PDE8B: variants seen among roughly 807,000 people sequenced by gnomAD.
The protein encoded by PDE8B is phosphodiesterase 8B, also known as high affinity cAMP-specific and IBMX-insensitive 3',5'-cyclic phosphodiesterase 8B.
Under a neutral mutation model 101.3 loss-of-function variants are expected in PDE8B, and 26 were observed. The observed-to-expected ratio is 0.26, with a 90% CI of 0.19 to 0.36. The LOEUF is 0.36. Among genes scored for constraint, PDE8B ranks in the 10% least tolerant of loss-of-function variants. The pLI is 1.00. For missense variants in PDE8B, 810 were observed against 1,163.1 expected (o/e 0.70, Z 4.42); for synonymous variants, 424 against 429.3 (o/e 0.99, Z 0.15).
chr5:77,225,486 T>C (rs1228731648), intron 1 of PDE8B, among the ~76,000 whole-genome samples: 1 of 152,204 alleles, frequency 6.6e-6, no homozygotes, highest in Admixed American at 6.5e-5. Flanking sequence ...TTGGACTGAC[T>C]AGATGTTCCA....
At chr5:77,120,199 A>C in the PDE8B span, among the ~76,000 whole-genome samples, 16 of 152,222 alleles carry the variant, frequency 1.1e-4, no homozygotes, top group African/African-American at 3.6e-4. Context: ...TCCTATTTAA[A>C]GTTCTAGAAT....
chr5:77,414,956 C>T (rs767782447), intron 17 of PDE8B, among the ~76,000 whole-genome samples: 7 of 152,198 alleles, frequency 4.6e-5, no homozygotes, highest in Non-Finnish European at 1.0e-4. Flanking sequence ...TACTATCCTC[C>T]TCCAAAATAT....
chr5:77,365,043 C>T (rs890730680), intron 10 of PDE8B, among the ~76,000 whole-genome samples: 3 of 152,084 alleles, frequency 2.0e-5, no homozygotes, highest in African/African-American at 4.8e-5. Flanking sequence ...TGTCTGATGG[C>T]GGAAATCCCT....
In PDE8B at chr5:77,322,162, A is replaced by C. The variant is rs187571012; in HGVS notation, c.400-3377A>C. 2.6e-3 allele frequency among the ~76,000 whole-genome samples: 400 copies of C among 152,146 alleles called. 1 individual carries two copies. The highest frequency in any genetic ancestry group is 9.0e-3 in the African/African-American group (375 of 41,518). ...TTGTCTGGTACCTGGCCCTAGGGTG[A>C]TTAGGGTTGGGGAATTGTGGCCTGG... On this transcript the variant is annotated intron_variant, in intron 2 of 21. Coordinates refer to ENST00000264917, the MANE Select transcript of PDE8B (RefSeq NM_003719.5).
intron 2 of PDE8B, among the ~76,000 whole-genome samples, chr5:77,322,386 C>A (rs573398606): frequency 6.6e-6 from 1 of 152,278 alleles, no homozygotes; most frequent in South Asian, 2.1e-4. Context: ...ACAATTAATA[C>A]AGCTGTCCAC....
At chr5:77,300,492 A>T (rs1561491991) in intron 1 of PDE8B, among the ~76,000 whole-genome samples, 1 of 152,196 alleles carries the variant, frequency 6.6e-6, no homozygotes, top group Non-Finnish European at 1.5e-5. Context: ...TCTTCAGCTT[A>T]GTCACCTGCC....
chr5:77,356,264 A>T (rs1782092927), intron 10 of PDE8B, among the ~76,000 whole-genome samples: 1 of 152,154 alleles, frequency 6.6e-6, no homozygotes, highest in Non-Finnish European at 1.5e-5. Context: ...ACGAGAACCT[A>T]GGTCCCCTGA....
At chr5:77,290,128 C>G in intron 1 of PDE8B, 1 of 1,094,692 alleles carries the variant, frequency 9.1e-7, no homozygotes, top group East Asian at 2.6e-5. Flanking sequence ...TATTATTACC[C>G]CTAGTTCCAC....
At chr5:77,349,602 A>G (rs771340149) in intron 8 of PDE8B, 43 bp downstream of exon 8, 6 of 1,609,788 alleles carry the variant, frequency 3.7e-6, no homozygotes, top group South Asian at 2.2e-5. Flanking sequence ...CCTCTCCCCA[A>G]TGCACTTTTT....
chr5:77,263,743 G>T (rs1309173671), intron 1 of PDE8B, among the ~76,000 whole-genome samples: 1 of 152,124 alleles, frequency 6.6e-6, no homozygotes, highest in African/African-American at 2.4e-5. Flanking sequence ...CCTAATGGAG[G>T]TTATTGTTAT....
chr5:77,351,174 T>C, intron 9 of PDE8B, 21 bp downstream of exon 9: 1 of 1,565,614 alleles, frequency 6.4e-7, no homozygotes, highest in Non-Finnish European at 8.8e-7. Context: ...ACTGTTCAAC[T>C]CTTTTAGCTG....
intron 1 of PDE8B, among the ~76,000 whole-genome samples, chr5:77,302,295 C>G (rs1580896884): frequency 6.6e-6 from 1 of 152,306 alleles, no homozygotes; most frequent in African/African-American, 2.4e-5. Flanking sequence ...GTAGCATCCC[C>G]CCTCCACTGG....
At chr5:77,103,703 T>C in the PDE8B span, among the ~76,000 whole-genome samples, 1 of 152,142 alleles carries the variant, frequency 6.6e-6, no homozygotes, top group East Asian at 1.9e-4. Context: ...AGGATGGGCA[T>C]GAGCAACCAG....
intron 10 of PDE8B, among the ~76,000 whole-genome samples, chr5:77,398,528 G>A (rs926333813): frequency 3.9e-5 from 6 of 152,008 alleles, no homozygotes; most frequent in African/African-American, 1.4e-4. Context: ...CACCATGTTG[G>A]CTAGGCTGGT....
At chr5:77,098,282 CTTTT>C in the PDE8B span, among the ~76,000 whole-genome samples, 97 of 141,100 alleles carry the variant, frequency 6.9e-4, no homozygotes, top group Non-Finnish European at 5.5e-4. Context: ...CCACCTTCCT[CTTTT>C]TTTTTTTAAA....
chr5:77,408,066 C>T (rs1490802088), intron 13 of PDE8B, among the ~76,000 whole-genome samples: 4 of 152,236 alleles, frequency 2.6e-5, no homozygotes, highest in South Asian at 2.1e-4. Context: ...TGCAGAGAAT[C>T]GATTGGAGGT....
chr5:77,227,246 A>G (rs969862480), intron 1 of PDE8B, among the ~76,000 whole-genome samples: 1 of 152,226 alleles, frequency 6.6e-6, no homozygotes, highest in African/African-American at 2.4e-5. Context: ...TATCTGATCC[A>G]TAATGATCCT....
the PDE8B span, among the ~76,000 whole-genome samples, chr5:77,150,502 T>G: frequency 6.6e-6 from 1 of 152,176 alleles, no homozygotes. Flanking sequence ...TGTCTCAAGG[T>G]CTTCTAGAGA....
chr5:77,107,217 C>G, the PDE8B span, among the ~76,000 whole-genome samples: 1 of 152,190 alleles, frequency 6.6e-6, no homozygotes, highest in Non-Finnish European at 1.5e-5. Context: ...CATGTCCCTA[C>G]AAAGGACACG....
Sources: gnomAD v4.1 joint callset for allele counts (sites outside exome capture counted in the v4.1 genomes callset) on GRCh38, gnomAD v4.1.1 for gene constraint, MANE v1.5 for transcripts, NCBI Gene and HGNC (gene_info 2026-07-23, HGNC 2026-07-21) for gene names.